The following DLGAP1 variants were observed in gnomAD, a reference collection of about 807,000 sequenced individuals.
DLGAP1 encodes DLG associated protein 1.
DLGAP1 carries 11 observed loss-of-function variants against 90.8 expected under a neutral mutation model. The observed-to-expected ratio is 0.12, with a 90% CI of 0.08 to 0.20. DLGAP1 has a LOEUF of 0.20. DLGAP1 is among the 10% of genes least tolerant of loss of function. The pLI is 1.00. For synonymous variants in DLGAP1, 558 were observed against 540.7 expected, an observed-to-expected ratio of 1.03 and a Z score of -0.44; for missense variants, 1,050 against 1,333.8, an observed-to-expected ratio of 0.79 and a Z score of 3.31.
chr18:4,317,497 C>A (rs2080561792), intron 1 of DLGAP1, among the ~76,000 whole-genome samples: 1 of 152,136 alleles, frequency 6.6e-6, no homozygotes, highest in Non-Finnish European at 1.5e-5. Context: ...AAGGAGTGTA[C>A]TTCTTGCTCT....
At chr18:4,010,824 G>A (rs575558057) in intron 2 of DLGAP1, among the ~76,000 whole-genome samples, 2 of 151,336 alleles carry the variant, frequency 1.3e-5, no homozygotes, top group Non-Finnish European at 2.9e-5. Flanking sequence ...AATGTCTACT[G>A]AGCACCTATT....
intron 2 of DLGAP1, among the ~76,000 whole-genome samples, chr18:4,020,131 TTCAG>T: frequency 6.6e-6 from 1 of 152,142 alleles, no homozygotes; most frequent in East Asian, 1.9e-4. Flanking sequence ...AGTAGCAGGC[TTCAG>T]AGAGAATAGA....
At chr18:4,330,793 C>T (rs1295709851) in intron 1 of DLGAP1, among the ~76,000 whole-genome samples, 1 of 151,710 alleles carries the variant, frequency 6.6e-6, no homozygotes, top group Non-Finnish European at 1.5e-5. Context: ...CATCTGGTCT[C>T]TTCTGGGTTA....
Position 3,499,043 on chromosome 18 carries a change from C to T in DLGAP1, c.*142G>A. On this transcript the variant is annotated 3_prime_UTR_variant, in exon 13 of 13. Coordinates refer to ENST00000315677, the MANE Select transcript of DLGAP1 (RefSeq NM_004746.4). The surrounding 1 kb of genome is among the most constrained non-coding windows in gnomAD (Gnocchi z 6.4). ...AGGGGGGCCCGGGGGGCGGCTCCTG[C>T]GAGGTGGACAACTACACCGCGACAG... The T allele has an allele frequency of 1.4e-6, 1 of 724,768 alleles. No homozygotes were observed. The highest frequency in any genetic ancestry group is 2.1e-6 in the Non-Finnish European group (1 of 469,612). 44.9% of individuals were successfully genotyped at this position (724,768 alleles called of 1,614,324 possible).
At chr18:3,978,887 T>A (rs2073660371) in intron 3 of DLGAP1, among the ~76,000 whole-genome samples, 1 of 152,146 alleles carries the variant, frequency 6.6e-6, no homozygotes, top group Non-Finnish European at 1.5e-5. Context: ...TTAGTGAGGT[T>A]TTAGAGGAAG....
chr18:3,542,978 A>T (rs1367682929), intron 9 of DLGAP1, among the ~76,000 whole-genome samples: 1 of 152,176 alleles, frequency 6.6e-6, no homozygotes, highest in South Asian at 2.1e-4. Context: ...TTCAACTAGG[A>T]GTCTCTATCT....
At chr18:4,089,906 G>A (rs192255763) in intron 2 of DLGAP1, among the ~76,000 whole-genome samples, 172 of 152,264 alleles carry the variant, frequency 1.1e-3, no homozygotes, top group African/African-American at 3.5e-3. Context: ...TTAGCCAGGT[G>A]CGGTGGCGGG....
chr18:4,376,802 T>C (rs1186786479), intron 1 of DLGAP1, among the ~76,000 whole-genome samples: 3 of 152,166 alleles, frequency 2.0e-5, no homozygotes, highest in East Asian at 1.9e-4. Context: ...CAGGCGCTTA[T>C]TGGACACAGA....
At chr18:3,767,983 C>T (rs911312043) in intron 5 of DLGAP1, among the ~76,000 whole-genome samples, 1 of 152,066 alleles carries the variant, frequency 6.6e-6, no homozygotes, top group South Asian at 2.1e-4. Flanking sequence ...CTCAAAACCA[C>T]CACCTAGTTC....
chr18:4,051,518 A>G (rs1403007265), intron 2 of DLGAP1, among the ~76,000 whole-genome samples: 2 of 152,192 alleles, frequency 1.3e-5, no homozygotes, highest in Non-Finnish European at 2.9e-5. Flanking sequence ...ATGGAGGGTA[A>G]CCACCCCCAT....
chr18:3,563,016 G>A (rs907917524), intron 9 of DLGAP1, among the ~76,000 whole-genome samples: 15 of 151,882 alleles, frequency 9.9e-5, no homozygotes, highest in Admixed American at 7.9e-4. Context: ...TTGTAGAGAT[G>A]GGATTTTGCC....
chr18:4,229,794 T>C (rs970079138), intron 1 of DLGAP1, among the ~76,000 whole-genome samples: 5 of 152,074 alleles, frequency 3.3e-5, no homozygotes, highest in African/African-American at 7.2e-5. Flanking sequence ...AGTGGACAGA[T>C]GGGATTACAT....
At chr18:4,277,977 G>A (rs1352699206) in intron 1 of DLGAP1, among the ~76,000 whole-genome samples, 1 of 149,700 alleles carries the variant, frequency 6.7e-6, no homozygotes, top group Non-Finnish European at 1.5e-5. Flanking sequence ...CTGAAAAGTG[G>A]GAAAGAGATT....
intron 2 of DLGAP1, among the ~76,000 whole-genome samples, chr18:4,112,270 T>C (rs1187114867): frequency 6.6e-6 from 1 of 152,132 alleles, no homozygotes; most frequent in African/African-American, 2.4e-5. Context: ...AATTCTGTTG[T>C]GGTAAGAAAA....
chr18:3,598,610 G>T (rs1441316922), intron 7 of DLGAP1, among the ~76,000 whole-genome samples: 1 of 151,536 alleles, frequency 6.6e-6, no homozygotes, highest in Non-Finnish European at 1.5e-5. Flanking sequence ...TGGGATTACA[G>T]GTGCATGCCA....
rs2075599173 is a variant in DLGAP1 at position 4,080,975 on chromosome 18, G to A, written c.-159+70205C>T. Among the ~76,000 whole-genome samples, 3 of 149,182 alleles carry A rather than the reference G, an allele frequency of 2.0e-5. No homozygotes were observed. The Admixed American group carries it at 2.0e-4, about 10-fold the overall frequency. ...GCAATCTTGGCTCACTGCAACCTCCGCCTCCCTGGTTCAAGTGATTCTCCT... is the reference window on the plus strand; with the variant it reads ...GCAATCTTGGCTCACTGCAACCTCCACCTCCCTGGTTCAAGTGATTCTCCT... On this transcript the variant is annotated intron_variant, in intron 2 of 12. Transcript: ENST00000315677.
intron 10 of DLGAP1, among the ~76,000 whole-genome samples, chr18:3,520,488 T>C (rs552062026): frequency 9.8e-5 from 15 of 152,316 alleles, no homozygotes; most frequent in African/African-American, 3.6e-4. Flanking sequence ...ACTCTGGAGA[T>C]AACGTTCTTA....
intron 2 of DLGAP1, among the ~76,000 whole-genome samples, chr18:4,046,564 G>C (rs954494623): frequency 2.4e-4 from 37 of 152,254 alleles, no homozygotes; most frequent in African/African-American, 8.9e-4. Flanking sequence ...TTAGAATATA[G>C]GTCTGTGAAA....
At chr18:4,397,384 T>C (rs2082462806) in intron 1 of DLGAP1, among the ~76,000 whole-genome samples, 1 of 152,220 alleles carries the variant, frequency 6.6e-6, no homozygotes, top group Admixed American at 6.5e-5. Flanking sequence ...TAGTATAGTC[T>C]AGGTAATAAC....
Sources: gnomAD v4.1 joint callset for allele counts (sites outside exome capture counted in the v4.1 genomes callset) on GRCh38, gnomAD v4.1.1 for gene constraint, Gnocchi (gnomAD v3.1) non-coding constraint, MANE v1.5 for transcripts, NCBI Gene and HGNC (gene_info 2026-07-23, HGNC 2026-07-21) for gene names.